The following SNRK variants were observed in gnomAD, a reference collection of about 807,000 sequenced individuals.
SNRK encodes SNF-related serine/threonine-protein kinase.
In SNRK, 3 loss-of-function variants were observed where a neutral mutation model predicts 48.2. The ratio of observed to expected loss-of-function variants is 0.06; its 90% CI spans 0.03 to 0.16. The LOEUF is 0.16. Among genes scored for constraint, SNRK ranks in the 10% least tolerant of loss-of-function variants. SNRK has a pLI of 1.00. For synonymous variants in SNRK, 376 were observed against 366.1 expected (o/e 1.03, Z -0.31); for missense variants, 627 against 976.0 (o/e 0.64, Z 4.76).
intron 2 of SNRK, among the ~76,000 whole-genome samples, chr3:43,301,138 A>G (rs1376641828): frequency 6.6e-6 from 1 of 152,264 alleles, no homozygotes; most frequent in Non-Finnish European, 1.5e-5. Flanking sequence ...TATTACAATA[A>G]TTACTAAAGT....
chr3:43,341,029 C>T (rs971017311), intron 5 of SNRK, among the ~76,000 whole-genome samples: 3 of 150,404 alleles, frequency 2.0e-5, no homozygotes, highest in Admixed American at 6.6e-5. Context: ...GACCACTTGG[C>T]CTACAAAGCC....
At chr3:43,324,350 A>G (rs1011701430) in intron 3 of SNRK, among the ~76,000 whole-genome samples, 4 of 152,182 alleles carry the variant, frequency 2.6e-5, no homozygotes, top group Admixed American at 6.5e-5. Flanking sequence ...TCTAATAAAA[A>G]CTACAAAAAT....
rs2091298730 is a variant in SNRK, at chr3:43,348,614, C to T, written c.*57C>T. On this transcript the variant is annotated 3_prime_UTR_variant, in exon 7 of 7. Transcript: ENST00000296088. ...CTGCTCAGAGCAGTGAAGACCGGCT[C>T]ACTTCACTGTTCCATTTGGTTTTAC... The T allele has an allele frequency of 3.5e-6, 5 of 1,449,030 alleles. No individual in the cohort carries two copies. Among genetic ancestry groups the T allele is most frequent in the Middle Eastern group, 1.9e-4 (1 of 5,186 alleles). The allele number at this position is 1,449,030 out of a possible 1,614,324, so 89.8% of individuals were successfully genotyped here.
Position 43,348,774 on chromosome 3 carries a change from T to G in SNRK, c.*217T>G. 1 of 419,712 alleles carries G rather than the reference T, an allele frequency of 2.4e-6. No homozygotes were observed. Among genetic ancestry groups the G allele is most frequent in the Admixed American group, 4.0e-5 (1 of 24,822 alleles). The allele number at this position is 419,712 out of a possible 1,614,324, so 26.0% of individuals were successfully genotyped here. ...AGCCGAAAAGCCTATTATGTAATTT[T>G]TACATTCATAATTTTAATGTGGATG... On this transcript the variant is annotated 3_prime_UTR_variant, in exon 7 of 7. Coordinates refer to ENST00000296088, the MANE Select transcript of SNRK (RefSeq NM_017719.5).
intron 3 of SNRK, among the ~76,000 whole-genome samples, chr3:43,310,784 A>G (rs531273609): frequency 6.6e-6 from 1 of 152,340 alleles, no homozygotes; most frequent in East Asian, 1.9e-4. Context: ...TTTTCTTTGT[A>G]GAACTACATT....
rs1016842426 is a variant in SNRK at position 43,349,248 on chromosome 3, C to T, written c.*691C>T. On this transcript the variant is annotated 3_prime_UTR_variant, in exon 7 of 7. Transcript: ENST00000296088. ...AGTACTTAGATTTATAAGGCAGCTTCCCCTGTAGTGATAAATTACAAGCAG... is the reference window on the plus strand; with the variant it reads ...AGTACTTAGATTTATAAGGCAGCTTTCCCTGTAGTGATAAATTACAAGCAG... 1 of 152,646 alleles carries T rather than the reference C, an allele frequency of 6.6e-6. No individual in the cohort carries two copies. Among genetic ancestry groups the T allele is most frequent in the Admixed American group, 6.5e-5 (1 of 15,290 alleles). The allele number at this position is 152,646 out of a possible 1,614,324, so 9.5% of individuals were successfully genotyped here. A position where few individuals can be genotyped will look rare whatever the true frequency, so the allele number is the denominator to read the frequency against.
chr3:43,340,056 A>G (rs908349869), intron 4 of SNRK, among the ~76,000 whole-genome samples: 3 of 151,584 alleles, frequency 2.0e-5, no homozygotes, highest in South Asian at 2.1e-4. Flanking sequence ...TCTGGATGAT[A>G]GGGAGCTCTT....
At chr3:43,329,107 G>A (rs976620138) in intron 3 of SNRK, among the ~76,000 whole-genome samples, 2 of 152,120 alleles carry the variant, frequency 1.3e-5, no homozygotes, top group African/African-American at 4.8e-5. Context: ...CTGTTGAGTG[G>A]CCTGTTTTTA....
rs2091296577 is a variant in SNRK at position 43,348,419 on chromosome 3, G to T, written c.2160G>T (p.Arg720=). The T allele has an allele frequency of 6.2e-7, 1 of 1,612,324 alleles. No homozygotes were observed. The highest frequency in any genetic ancestry group is 8.5e-7 in the Non-Finnish European group (1 of 1,179,234). Residue 720 remains arginine (R), a synonymous_variant, in exon 7 of 7, where the codon CGG becomes CGT. Coordinates refer to ENST00000296088, the MANE Select transcript of SNRK (RefSeq NM_017719.5). The stretch of plus-strand genomic sequence containing the variant: ...CAGATACCACCACTGAATTGGAACG[G>T]ATAAAGAGCAAGAACCTGAAAAATA... ...HMADTTTELE[R]IKSKNLKNNV... is the part of the protein sequence containing the mutation.
At chr3:43,294,569 C>G (rs1271373357) in intron 1 of SNRK, among the ~76,000 whole-genome samples, 2 of 152,000 alleles carry the variant, frequency 1.3e-5, no homozygotes, top group African/African-American at 4.8e-5. Flanking sequence ...GTATTTTCAC[C>G]TTAGGGATGC....
intron 3 of SNRK, among the ~76,000 whole-genome samples, chr3:43,330,671 A>G (rs528111643): frequency 1.3e-5 from 2 of 152,318 alleles, no homozygotes; most frequent in East Asian, 3.9e-4. Context: ...GGCTCTCTGG[A>G]TTCCAAAGTC....
Position 43,347,387 on chromosome 3 carries a change from C to T in SNRK, c.1128C>T (p.Asp376=), listed in dbSNP as rs1435575452. The change falls in exon 7 of 7, where the codon GAC becomes GAT. Residue 376 remains aspartate (D), a synonymous_variant. Coordinates refer to ENST00000296088, the MANE Select transcript of SNRK (RefSeq NM_017719.5). The surrounding 1 kb of genome is among the most constrained non-coding windows in gnomAD (Gnocchi z 5.4). ...KIDVPQDLED[D]LTATPLSHAT... is the part of the protein sequence containing the mutation. ...ATGTACCCCAGGACCTTGAGGATGA[C>T]CTCACGGCCACTCCTTTGTCCCACG... The T allele has an allele frequency of 1.2e-6, 2 of 1,608,964 alleles. No homozygotes were observed. The highest frequency in any genetic ancestry group is 2.7e-5 in the African/African-American group (2 of 74,816).
intron 4 of SNRK, among the ~76,000 whole-genome samples, chr3:43,337,792 T>C (rs570020665): frequency 4.6e-5 from 7 of 152,250 alleles, no homozygotes; most frequent in South Asian, 2.1e-4. Context: ...TGAACACTTA[T>C]AGAACCATCA....
chr3:43,343,612 C>A, intron 6 of SNRK, 134 bp downstream of exon 6: 1 of 957,146 alleles, frequency 1.0e-6, no homozygotes, highest in Non-Finnish European at 1.5e-6. Context: ...ATTGGAGAGG[C>A]CACACACGGG....
At position 43,303,622 on chromosome 3, in the gene SNRK, T is replaced by TA; in HGVS notation, c.423dup (p.Pro142ThrfsTer8). ...AAACTCCATGTGGTTCACAGAGACT[T>TA]AAAACCAGAGAATGTAGTCTTCTTT... On this transcript the variant is annotated frameshift_variant, in exon 3 of 7. Coordinates refer to ENST00000296088, the MANE Select transcript of SNRK (RefSeq NM_017719.5). LOFTEE classifies it high-confidence loss of function. The surrounding 1 kb of genome is among the most constrained non-coding windows in gnomAD (Gnocchi z 6.2). 1 of 1,614,198 alleles carries TA rather than the reference T, an allele frequency of 6.2e-7. No homozygotes were observed. Among genetic ancestry groups the TA allele is most frequent in the Non-Finnish European group, 8.5e-7 (1 of 1,180,022 alleles).
In SNRK at chr3:43,350,186, T is replaced by G. The variant is rs941989666; in HGVS notation, c.*1629T>G. On this transcript the variant is annotated 3_prime_UTR_variant, in exon 7 of 7. Transcript: ENST00000296088. ...TAGGCTAGATGTTTTAAGCTACAGC[T>G]CTAGTTCATTGTGATATTTATAATT... 6.5e-6 allele frequency: 1 copy of G among 152,676 alleles called. No homozygotes were observed. Among genetic ancestry groups the G allele is most frequent in the Non-Finnish European group, 1.5e-5 (1 of 68,034 alleles). 9.5% of individuals were successfully genotyped at this position (152,676 alleles called of 1,614,324 possible). A position where few individuals can be genotyped will look rare whatever the true frequency, so the allele number is the denominator to read the frequency against.
chr3:43,307,888 G>A (rs923015678), intron 3 of SNRK, among the ~76,000 whole-genome samples: 2 of 152,212 alleles, frequency 1.3e-5, no homozygotes, highest in African/African-American at 4.8e-5. Context: ...TAGACTGAAA[G>A]CTAGGCTTCT....
At chr3:43,302,662 A>G (rs1159070320) in intron 2 of SNRK, among the ~76,000 whole-genome samples, 3 of 147,814 alleles carry the variant, frequency 2.0e-5, no homozygotes, top group Non-Finnish European at 4.5e-5. Context: ...TTTTGCACTT[A>G]AAGGAAGTGG....
intron 3 of SNRK, 61 bp from the exon 4 acceptor site, chr3:43,332,108 C>T: frequency 8.0e-7 from 1 of 1,256,190 alleles, no homozygotes; most frequent in African/African-American, 1.5e-5. Flanking sequence ...TGTTAGCGCA[C>T]TTTTAATGTT....
Sources: gnomAD v4.1 joint callset for allele counts (sites outside exome capture counted in the v4.1 genomes callset) on GRCh38, gnomAD v4.1.1 for gene constraint, Gnocchi (gnomAD v3.1) non-coding constraint, MANE v1.5 for transcripts, NCBI Gene and HGNC (gene_info 2026-07-23, HGNC 2026-07-21) for gene names.